Variants in CTNND2 observed in about 807,000 individuals in gnomAD.
The protein encoded by CTNND2 is catenin delta 2, also known as catenin delta-2.
A neutral mutation model predicts 144.4 loss-of-function variants in CTNND2; 22 were observed. That is an observed-to-expected ratio of 0.15 (90% CI 0.11 to 0.22). CTNND2 has a LOEUF of 0.22. Among genes scored for constraint, CTNND2 ranks in the 10% least tolerant of loss-of-function variants. The pLI, the probability that CTNND2 is intolerant of heterozygous loss-of-function variation, is 1.00. For synonymous variants in CTNND2, 751 were observed against 695.6 expected, an observed-to-expected ratio of 1.08 and a Z score of -1.25; for missense variants, 1,353 against 1,618.8, an observed-to-expected ratio of 0.84 and a Z score of 2.82.
chr5:11,078,515 T>C (rs1425368296), intron 16 of CTNND2, among the ~76,000 whole-genome samples: 1 of 152,222 alleles, frequency 6.6e-6, no homozygotes, highest in Admixed American at 6.5e-5. Context: ...TAAATATTCC[T>C]GTCTCCGAGA....
At chr5:11,688,257 T>C (rs945952842) in intron 2 of CTNND2, among the ~76,000 whole-genome samples, 1 of 152,162 alleles carries the variant, frequency 6.6e-6, no homozygotes, top group Non-Finnish European at 1.5e-5. Flanking sequence ...ACCTCTATTA[T>C]GGCACAGCAG....
intron 13 of CTNND2, among the ~76,000 whole-genome samples, chr5:11,112,012 A>AT (rs1753039892): frequency 6.6e-6 from 1 of 151,730 alleles, no homozygotes; most frequent in African/African-American, 2.4e-5. Flanking sequence ...ACGCCCAGCT[A>AT]ATTTTTTTTT....
At chr5:11,757,259 G>T (rs4702820) in intron 1 of CTNND2, among the ~76,000 whole-genome samples, 148,920 of 151,914 alleles carry the variant, frequency 0.98, 73,058 homozygotes, top group East Asian at 1. Flanking sequence ...TTCCAATCAG[G>T]ATGTCTTCGA....
At chr5:11,324,913 A>C (rs537487863) in intron 9 of CTNND2, among the ~76,000 whole-genome samples, 1 of 151,242 alleles carries the variant, frequency 6.6e-6, no homozygotes, top group East Asian at 1.9e-4. Flanking sequence ...CTGAAGGCCA[A>C]GTTTAATTTT....
intron 3 of CTNND2, among the ~76,000 whole-genome samples, chr5:11,559,490 T>C (rs1383648211): frequency 6.6e-6 from 1 of 152,164 alleles, no homozygotes; most frequent in African/African-American, 2.4e-5. Context: ...CCTTCAATAG[T>C]AAAATGGTTG....
chr5:11,426,924 T>C (rs1211753769), intron 3 of CTNND2, among the ~76,000 whole-genome samples: 2 of 152,210 alleles, frequency 1.3e-5, no homozygotes, highest in Non-Finnish European at 2.9e-5. Flanking sequence ...TATGTGCATA[T>C]CAAGAAATCA....
At chr5:11,430,000 C>T (rs1460425073) in intron 3 of CTNND2, among the ~76,000 whole-genome samples, 3 of 151,804 alleles carry the variant, frequency 2.0e-5, no homozygotes, top group Non-Finnish European at 2.9e-5. Flanking sequence ...GCCTGTAATC[C>T]CAGCCTTTTG....
intron 2 of CTNND2, among the ~76,000 whole-genome samples, chr5:11,680,441 C>A (rs1398784060): frequency 6.6e-6 from 1 of 151,952 alleles, no homozygotes; most frequent in Non-Finnish European, 1.5e-5. Context: ...TGGAAAGAGA[C>A]CAGGGCAGCT....
intron 12 of CTNND2, among the ~76,000 whole-genome samples, chr5:11,156,310 A>C (rs1758219210): frequency 6.6e-6 from 1 of 152,192 alleles, no homozygotes; most frequent in Admixed American, 6.5e-5. Context: ...AAAAACACTA[A>C]TTCCTTAAAT....
rs1397854622 is a variant in CTNND2, at chr5:11,310,902, TCA to T, written c.1628+35468_1628+35469del. On this transcript the variant is annotated intron_variant, in intron 9 of 21. Coordinates refer to ENST00000304623, the MANE Select transcript of CTNND2 (RefSeq NM_001332.4). ...CACCCTCACCTCACACGCAATACACTCACACACACTCCCCATACACCCTCACC... is the reference window on the plus strand; with the variant it reads ...CACCCTCACCTCACACGCAATACACTCACACACTCCCCATACACCCTCACC... Among the ~76,000 whole-genome samples the T allele has an allele frequency of 3.4e-3, 382 of 113,124 alleles. 1 individual carries two copies. The highest frequency in any genetic ancestry group is 0.012 in the African/African-American group (363 of 29,060). 74.2% of individuals were successfully genotyped at this position (113,124 alleles called of 152,430 possible).
At chr5:10,979,675 G>T (rs1736971883) in intron 21 of CTNND2, among the ~76,000 whole-genome samples, 1 of 152,096 alleles carries the variant, frequency 6.6e-6, no homozygotes, top group Non-Finnish European at 1.5e-5. Context: ...CTCTCTCTCA[G>T]ATTGGTTCCT....
intron 3 of CTNND2, among the ~76,000 whole-genome samples, chr5:11,483,960 C>T (rs1768540638): frequency 6.6e-6 from 1 of 152,142 alleles, no homozygotes; most frequent in African/African-American, 2.4e-5. Flanking sequence ...CTGAGAATGA[C>T]AACTGAAAGC....
chr5:11,828,328 G>A (rs966812835), intron 1 of CTNND2, among the ~76,000 whole-genome samples: 3 of 151,978 alleles, frequency 2.0e-5, no homozygotes, highest in African/African-American at 7.2e-5. Context: ...TCAGGAGTTC[G>A]AGACCAGCCT....
intron 1 of CTNND2, among the ~76,000 whole-genome samples, chr5:11,807,052 A>G (rs4546378): frequency 0.099 from 15,113 of 152,090 alleles, 1,771 homozygotes; most frequent in African/African-American, 0.28. Flanking sequence ...TCCATTTGCT[A>G]CATGAGATCA....
At chr5:11,353,803 C>CAAAAAAAAAA (rs762692283) in intron 8 of CTNND2, among the ~76,000 whole-genome samples, 1 of 121,568 alleles carries the variant, frequency 8.2e-6, no homozygotes, top group African/African-American at 3.0e-5. Context: ...GACTCCATTT[C>CAAAAAAAAAA]AAAAAAAAAA....
chr5:11,599,585 T>C (rs1483936573), intron 2 of CTNND2, among the ~76,000 whole-genome samples: 7 of 152,180 alleles, frequency 4.6e-5, no homozygotes, highest in African/African-American at 1.7e-4. Context: ...GATTTGGGTT[T>C]TTTTGCTTGT....
intron 3 of CTNND2, among the ~76,000 whole-genome samples, chr5:11,467,875 G>A (rs1431775832): frequency 2.0e-5 from 3 of 152,096 alleles, no homozygotes; most frequent in Non-Finnish European, 4.4e-5. Flanking sequence ...ACTTTAGGGG[G>A]CATAAAGATA....
chr5:11,217,443 G>A (rs1000559025), intron 10 of CTNND2, among the ~76,000 whole-genome samples: 1 of 152,062 alleles, frequency 6.6e-6, no homozygotes, highest in Non-Finnish European at 1.5e-5. Context: ...TTTATCACTG[G>A]CCTTGTTCTG....
intron 2 of CTNND2, among the ~76,000 whole-genome samples, chr5:11,643,596 T>C (rs995385826): frequency 7.2e-5 from 11 of 152,070 alleles, no homozygotes; most frequent in African/African-American, 2.7e-4. Flanking sequence ...TAGTATTCCA[T>C]GGTGTATTAT....
Sources: allele counts gnomAD v4.1 joint callset (sites outside exome capture counted in the v4.1 genomes callset), GRCh38; gene constraint gnomAD v4.1.1; transcripts MANE v1.5; gene names NCBI Gene and HGNC (gene_info 2026-07-23, HGNC 2026-07-21).